Variants in ANKRD36C observed in about 807,000 individuals in gnomAD.
ANKRD36C encodes ankyrin repeat domain-containing protein 36C.
ANKRD36C carries 61 observed loss-of-function variants against 276.4 expected under a neutral mutation model. That is an observed-to-expected ratio of 0.22 (90% CI 0.18 to 0.27). The LOEUF is 0.27. Among genes scored for constraint, ANKRD36C ranks in the 10% least tolerant of loss-of-function variants. The pLI is 1.00. For synonymous variants in ANKRD36C, 483 were observed against 680.1 expected (o/e 0.71, Z 4.51); for missense variants, 1,447 against 2,032.3 (o/e 0.71, Z 5.54).
chr2:95,895,682 C>T, intron 44 of ANKRD36C, 92 bp from the exon 61 acceptor site: 1 of 1,549,692 alleles, frequency 6.5e-7, no homozygotes, highest in Non-Finnish European at 8.7e-7. Flanking sequence ...CCTCTGTCCT[C>T]CTGCCTGTAT....
At chr2:95,891,984 C>A (rs1676377410) in intron 44 of ANKRD36C, 124 bp from the exon 65 acceptor site, 1 of 1,478,058 alleles carries the variant, frequency 6.8e-7, no homozygotes, top group Admixed American at 2.0e-5. Context: ...TTGATGGCTT[C>A]TACTTTGTGT....
At chr2:95,989,528 GAT>G (rs1679095953) in intron 1 of ANKRD36C, among the ~76,000 whole-genome samples, 1 of 151,668 alleles carries the variant, frequency 6.6e-6, no homozygotes, top group Non-Finnish European at 1.5e-5. Context: ...CCATCCTATG[GAT>G]GCACTGAAAT....
intron 34 of ANKRD36C, among the ~76,000 whole-genome samples, chr2:95,918,515 C>G (rs990989314): frequency 6.6e-6 from 1 of 151,666 alleles, no homozygotes; most frequent in Non-Finnish European, 1.5e-5. Context: ...TACCATGACA[C>G]TTCAGTTGAA....
chr2:95,953,501 T>C (rs557213689), intron 14 of ANKRD36C, among the ~76,000 whole-genome samples: 2 of 152,240 alleles, frequency 1.3e-5, no homozygotes, highest in Non-Finnish European at 2.9e-5. Context: ...CTATATGCTA[T>C]GTGTAACAGA....
At chr2:95,866,003 G>A (rs1381101554) in intron 60 of ANKRD36C, among the ~76,000 whole-genome samples, 2 of 152,016 alleles carry the variant, frequency 1.3e-5, no homozygotes, top group Non-Finnish European at 2.9e-5. Context: ...ACCAGCTTAT[G>A]ACTGACAAAG....
At chr2:95,887,987 T>C (rs1254298874) in exon 50 of ANKRD36C, 3 of 1,600,366 alleles carry the variant, frequency 1.9e-6, no homozygotes, top group Non-Finnish European at 8.5e-7. Context: ...ATCTTTCTTG[T>C]CACTTGTAGC....
At chr2:95,858,638 C>A (rs1227672968) in intron 61 of ANKRD36C, among the ~76,000 whole-genome samples, 1 of 152,140 alleles carries the variant, frequency 6.6e-6, no homozygotes, top group Non-Finnish European at 1.5e-5. Context: ...AATACATTTT[C>A]ATCTTCATGA....
chr2:95,947,210 T>A (rs538985936), intron 17 of ANKRD36C, among the ~76,000 whole-genome samples: 1 of 152,230 alleles, frequency 6.6e-6, no homozygotes, highest in Admixed American at 6.5e-5. Context: ...TTCCTTTCCA[T>A]CTTTTCCAAT....
intron 6 of ANKRD36C, 50 bp from the exon 7 acceptor site, chr2:95,962,597 T>C (rs778860636): frequency 4.4e-6 from 7 of 1,588,958 alleles, no homozygotes; most frequent in Non-Finnish European, 4.3e-6. Context: ...TATGATACAA[T>C]TATCCATACA....
At chr2:95,951,552 T>G in intron 14 of ANKRD36C, 144 bp from the exon 15 acceptor site, 2 of 640,778 alleles carry the variant, frequency 3.1e-6, no homozygotes, top group Non-Finnish European at 5.4e-6. Context: ...GTCTGCCATT[T>G]ACTAATCTAC....
At chr2:95,977,687 TGGGGA>T (rs1678841762) in intron 6 of ANKRD36C, among the ~76,000 whole-genome samples, 1 of 152,096 alleles carries the variant, frequency 6.6e-6, no homozygotes, top group Non-Finnish European at 1.5e-5. Flanking sequence ...TTCAACAGCA[TGGGGA>T]TTGGCAGCAC....
chr2:95,948,052 A>G (rs1678099929), intron 17 of ANKRD36C, among the ~76,000 whole-genome samples: 1 of 152,116 alleles, frequency 6.6e-6, no homozygotes, highest in Admixed American at 6.5e-5. Flanking sequence ...TGATGTTAAA[A>G]TAGGTGTACA....
At chr2:95,859,757 C>T in intron 61 of ANKRD36C, 104 bp downstream of exon 81, 11 of 1,300,572 alleles carry the variant, frequency 8.5e-6, no homozygotes, top group Non-Finnish European at 1.2e-5. Context: ...AAGCTTTCTT[C>T]CCTGTTAAAT....
chr2:95,924,470 T>G (rs1401473822), intron 30 of ANKRD36C, among the ~76,000 whole-genome samples: 1 of 151,682 alleles, frequency 6.6e-6, no homozygotes, highest in African/African-American at 2.4e-5. Context: ...CAATATTCAT[T>G]GAAAATAACC....
chr2:95,850,945 C>T (rs76151911), downstream of ANKRD36C, among the ~76,000 whole-genome samples: 4 of 152,172 alleles, frequency 2.6e-5, no homozygotes, highest in South Asian at 2.1e-4. Context: ...AGACTTCTTG[C>T]GATTTTTTAA....
At chr2:95,881,379 T>C (rs918485385) in intron 56 of ANKRD36C, among the ~76,000 whole-genome samples, 3 of 152,236 alleles carry the variant, frequency 2.0e-5, no homozygotes, top group Non-Finnish European at 4.4e-5. Flanking sequence ...TTAATAAACT[T>C]ATACATTTGG....
Position 95,902,938 on chromosome 2 carries a change from A to G in ANKRD36C, c.2654-3602T>C, listed in dbSNP as rs573432964. The G allele has an allele frequency of 9.4e-6, 15 of 1,590,458 alleles. 1 individual carries two copies. The Admixed American group carries it at 1.2e-4, about 13-fold the overall frequency. ...TTCCTCTGGCTATATTCAAAAGAGA[A>G]TCTTTCTCGTCTCTTGTAGCCTGAA... On this transcript the variant is annotated intron_variant, in intron 42 of 66. Transcript: ENST00000456556.
intron 1 of ANKRD36C, among the ~76,000 whole-genome samples, chr2:95,989,073 G>T (rs1373616666): frequency 3.3e-5 from 5 of 152,170 alleles, no homozygotes; most frequent in Non-Finnish European, 7.3e-5. Flanking sequence ...GGAGGCTGAG[G>T]TGGGAGAATC....
At chr2:95,858,409 T>C (rs1675476399) in intron 61 of ANKRD36C, among the ~76,000 whole-genome samples, 1 of 152,218 alleles carries the variant, frequency 6.6e-6, no homozygotes, top group South Asian at 2.1e-4. Flanking sequence ...AGGGCATGTA[T>C]AAGTTGAAAT....
Sources: gnomAD v4.1 joint callset for allele counts (sites outside exome capture counted in the v4.1 genomes callset) on GRCh38, gnomAD v4.1.1 for gene constraint, MANE v1.5 for transcripts, NCBI Gene and HGNC (gene_info 2026-07-23, HGNC 2026-07-21) for gene names.